RUNX3: variants seen among roughly 807,000 people sequenced by gnomAD.
RUNX3 encodes the protein RUNX family transcription factor 3.
Under a neutral mutation model 27.7 loss-of-function variants are expected in RUNX3, and 10 were observed. That is an observed-to-expected ratio of 0.36 (90% CI 0.22 to 0.61). The LOEUF (loss-of-function observed/expected upper bound fraction) is 0.61. RUNX3 is among the 20% of genes least tolerant of loss of function. The probability of loss-of-function intolerance (pLI) is 0.72; values close to 1 mark genes in which losing one functional copy is unlikely to be tolerated. For missense variants in RUNX3, 469 were observed against 629.5 expected, an observed-to-expected ratio of 0.75 and a Z score of 2.73; for synonymous variants, 270 against 269.2, an observed-to-expected ratio of 1.00 and a Z score of -0.03.
intron 2 of RUNX3, among the ~76,000 whole-genome samples, chr1:24,921,811 A>G (rs1399601492): frequency 6.6e-6 from 1 of 152,190 alleles, no homozygotes; most frequent in Non-Finnish European, 1.5e-5. Flanking sequence ...GGAGACACGG[A>G]GGACTAATGG....
rs896824702 is a variant in RUNX3, at chr1:24,899,772, G to C, written c.*2350C>G. ...AAAAGATTGGTACCCACTACTGACA[G>C]GCTCACAGTAACACTATATCAAAAC... On this transcript the variant is annotated 3_prime_UTR_variant, in exon 5 of 5. Transcript: ENST00000308873. 1 of 152,548 alleles carries C rather than the reference G, an allele frequency of 6.6e-6. No individual in the cohort carries two copies. The highest frequency in any genetic ancestry group is 1.5e-5 in the Non-Finnish European group (1 of 68,046). The allele number at this position is 152,548 out of a possible 1,614,324, so 9.4% of individuals were successfully genotyped here.
Position 24,929,790 on chromosome 1 carries a change from C to A in RUNX3, c.79G>T (p.Gly27Cys). 7.1e-7 allele frequency: 1 copy of A among 1,401,930 alleles called. No homozygotes were observed. The highest frequency in any genetic ancestry group is 9.2e-7 in the Non-Finnish European group (1 of 1,084,466). 86.8% of individuals were successfully genotyped at this position (1,401,930 alleles called of 1,614,324 possible). A position where few individuals can be genotyped will look rare whatever the true frequency, so the allele number is the denominator to read the frequency against. The change falls in exon 1 of 5, where the codon GGC becomes TGC. Residue 27 changes from glycine (G) to cysteine (C), a missense_variant. Gly to Cys is a radical substitution (Grantham distance 159). Around this residue, in one of 3 missense-constraint regions of RUNX3, gnomAD observed 115 missense variants for 118.0 expected, o/e 0.97. Coordinates refer to ENST00000308873, the MANE Select transcript of RUNX3 (RefSeq NM_004350.3). ...SPAFPCGGGGGKMGENSGALS... is the reference protein window; with the variant it reads ...SPAFPCGGGGCKMGENSGALS... The stretch of plus-strand genomic sequence containing the variant: ...GCGCCGCTGTTCTCGCCCATCTTGC[C>A]GCCGCCGCCGCCGCAGGGGAAGGCC...
chr1:24,953,094 C>T (rs1472206216), intron 2 of RUNX3, among the ~76,000 whole-genome samples: 2 of 152,026 alleles, frequency 1.3e-5, no homozygotes, highest in Non-Finnish European at 2.9e-5. Context: ...AGGCAGGGCG[C>T]GGTGGCTCAA....
rs1641518958 is a variant in RUNX3 at position 24,943,096 on chromosome 1, T to C, written c.59-13244A>G. Among the ~76,000 whole-genome samples, 1 of 152,230 alleles carries C rather than the reference T, an allele frequency of 6.6e-6. No homozygotes were observed. Among genetic ancestry groups the C allele is most frequent in the African/African-American group, 2.4e-5 (1 of 41,466 alleles). On this transcript the variant is annotated intron_variant, in intron 2 of 6. Coordinates refer to the RUNX3 transcript ENST00000338888. The surrounding 1 kb of genome is among the most constrained non-coding windows in gnomAD (Gnocchi z 4.6). ...GCACCGGGAGCCGAGCCGGGTGTCA[T>C]TGATCTTGCCCGGTGTTCCAGCCAC...
intron 2 of RUNX3, among the ~76,000 whole-genome samples, chr1:24,936,882 A>G (rs1392151202): frequency 6.6e-6 from 1 of 152,256 alleles, no homozygotes; most frequent in East Asian, 1.9e-4. Flanking sequence ...TGGTGGTGAA[A>G]GAACGCCTCA....
Position 24,916,679 on chromosome 1 carries a change from G to A in RUNX3, c.544+2561C>T, listed in dbSNP as rs1420538036. ...GGTATGGGGGGGGACCTGATCTCAG[G>A]GCCAGGATATGCCAGGGACAGGAAC... On this transcript the variant is annotated intron_variant, in intron 3 of 4. Transcript: ENST00000308873. The surrounding 1 kb of genome is among the most constrained non-coding windows in gnomAD (Gnocchi z 4.8). Among the ~76,000 whole-genome samples the A allele has an allele frequency of 1.3e-5, 2 of 152,094 alleles. No homozygotes were observed. Among genetic ancestry groups the A allele is most frequent in the Non-Finnish European group, 2.9e-5 (2 of 68,006 alleles).
At chr1:24,922,030 A>G (rs1641009391) in intron 2 of RUNX3, among the ~76,000 whole-genome samples, 5 of 152,122 alleles carry the variant, frequency 3.3e-5, no homozygotes. Flanking sequence ...AGCTCACTGC[A>G]GCCTGGACCT....
At chr1:24,918,770 A>C (rs1640937717) in intron 3 of RUNX3, among the ~76,000 whole-genome samples, 1 of 152,158 alleles carries the variant, frequency 6.6e-6, no homozygotes, top group Non-Finnish European at 1.5e-5. Flanking sequence ...TGACCTGAGC[A>C]AGTCACATGC....
intron 2 of RUNX3, among the ~76,000 whole-genome samples, chr1:24,936,675 C>T (rs1180603757): frequency 6.6e-6 from 1 of 152,192 alleles, no homozygotes; most frequent in Non-Finnish European, 1.5e-5. Flanking sequence ...CTTCCTCTCT[C>T]GCAGGCCCTC....
intron 2 of RUNX3, among the ~76,000 whole-genome samples, chr1:24,942,214 AACAG>A (rs1453084807): frequency 6.6e-6 from 1 of 152,136 alleles, no homozygotes; most frequent in African/African-American, 2.4e-5. Flanking sequence ...AGAAGTAAGA[AACAG>A]ACAGAGGAAA....
intron 4 of RUNX3, among the ~76,000 whole-genome samples, chr1:24,905,104 G>A (rs1193796020): frequency 6.6e-6 from 1 of 152,112 alleles, no homozygotes; most frequent in Non-Finnish European, 1.5e-5. Context: ...ACCAATATTG[G>A]AGGGTCAAAG....
intron 2 of RUNX3, among the ~76,000 whole-genome samples, chr1:24,957,619 C>G (rs889213975): frequency 2.6e-5 from 4 of 152,212 alleles, no homozygotes; most frequent in Admixed American, 2.6e-4. Context: ...CCTTCCACAT[C>G]CTGCTTAGAG....
chr1:24,925,426 A>G (rs1041142778), intron 2 of RUNX3, among the ~76,000 whole-genome samples: 2 of 152,060 alleles, frequency 1.3e-5, no homozygotes, highest in African/African-American at 4.8e-5. Flanking sequence ...AAAATCTCTA[A>G]CATGTATCCA....
At chr1:24,905,950 T>G (rs1002868926) in intron 4 of RUNX3, among the ~76,000 whole-genome samples, 4 of 152,190 alleles carry the variant, frequency 2.6e-5, no homozygotes, top group African/African-American at 7.2e-5. Flanking sequence ...TCAAATGCAC[T>G]AGCTCCTGGG....
At chr1:24,963,487 T>TGTG (rs1642173633) in intron 2 of RUNX3, among the ~76,000 whole-genome samples, 1 of 152,182 alleles carries the variant, frequency 6.6e-6, no homozygotes, top group South Asian at 2.1e-4. Flanking sequence ...CCAGAGGCAC[T>TGTG]GCCCTTATAC....
chr1:24,908,039 GCGGTGATCCGAACCTCTACGACACA>G lies in RUNX3; in HGVS notation c.545-647_545-623del, dbSNP rs1360622963. Among the ~76,000 whole-genome samples the G allele has an allele frequency of 1.7e-4, 26 of 149,824 alleles. 1 individual carries two copies. The highest frequency in any genetic ancestry group is 4.3e-4 in the South Asian group (2 of 4,698). ...GCGGTGATCCGAACCTCAACCACACGCGGTGATCCGAACCTCTACGACACACGGTGATCCGAACCTCTACGACACG... is the reference window on the plus strand; with the variant it reads ...GCGGTGATCCGAACCTCAACCACACGCGGTGATCCGAACCTCTACGACACG... On this transcript the variant is annotated intron_variant, in intron 3 of 4. Coordinates refer to ENST00000308873, the MANE Select transcript of RUNX3 (RefSeq NM_004350.3).
At chr1:24,933,680 T>C (rs1311111489), upstream of RUNX3, among the ~76,000 whole-genome samples, 1 of 152,120 alleles carries the variant, frequency 6.6e-6, no homozygotes, top group African/African-American at 2.4e-5. Context: ...GTCTCGATGA[T>C]TGCCTGTCTG....
At chr1:24,948,489 A>C (rs572795189) in intron 2 of RUNX3, among the ~76,000 whole-genome samples, 1 of 152,276 alleles carries the variant, frequency 6.6e-6, no homozygotes, top group Admixed American at 6.5e-5. Context: ...GTCTTACCAG[A>C]AACCCTCAGA....
At chr1:24,954,916 C>T (rs991950072) in intron 2 of RUNX3, among the ~76,000 whole-genome samples, 1 of 152,192 alleles carries the variant, frequency 6.6e-6, no homozygotes, top group Admixed American at 6.5e-5. Context: ...CCCCACATCA[C>T]GGCCCAGCTT....
Sources: allele counts gnomAD v4.1 joint callset (sites outside exome capture counted in the v4.1 genomes callset), GRCh38; gene constraint gnomAD v4.1.1; regional missense constraint gnomAD v4.1.1; non-coding constraint Gnocchi (gnomAD v3.1); transcripts MANE v1.5; gene names NCBI Gene and HGNC (gene_info 2026-07-23, HGNC 2026-07-21).